MCF2: variants seen among roughly 807,000 people sequenced by gnomAD.
MCF2 encodes the protein MCF.2 cell line derived transforming sequence.
A neutral mutation model predicts 82.5 loss-of-function variants in MCF2; 44 were observed. The observed-to-expected ratio is 0.53, with a 90% confidence interval of 0.42 to 0.69. MCF2 has a LOEUF of 0.69. Ranked by LOEUF, MCF2 falls within the 30% of genes least tolerant of loss-of-function variation. MCF2 has a pLI of 0.00. For synonymous variants in MCF2, 217 were observed against 224.9 expected, an observed-to-expected ratio of 0.96 and a Z score of 0.32; for missense variants, 623 against 663.1, an observed-to-expected ratio of 0.94 and a Z score of 0.66.
At chrX:139,661,282 G>A (rs963757047) in intron 1 of MCF2, among the ~76,000 whole-genome samples, 7 of 111,788 alleles carry the variant, frequency 6.3e-5, no homozygotes, top group Admixed American at 9.5e-5. Context: ...AGCAAGACCA[G>A]AAGCAGAAAG....
exon 1 of MCF2, chrX:139,642,577 A>G: frequency 8.3e-7 from 1 of 1,210,385 alleles, no homozygotes; most frequent in South Asian, 1.8e-5. Flanking sequence ...TTGATGAAAT[A>G]CGAGCTGCTT....
chrX:139,649,974 T>C (rs1385052116), intron 2 of MCF2, among the ~76,000 whole-genome samples: 1 of 112,367 alleles, frequency 8.9e-6, no homozygotes. Context: ...AAAGCCATAT[T>C]AATTAAGTCA....
At chrX:139,607,553 G>C (rs911601633) in intron 12 of MCF2, 138 bp downstream of exon 16, 6 of 360,161 alleles carry the variant, frequency 1.7e-5, no homozygotes, top group Admixed American at 5.6e-5. Flanking sequence ...GGTTGGCCAG[G>C]CCTAAATCCT....
chrX:139,603,391 G>A (rs1248485760), intron 15 of MCF2, among the ~76,000 whole-genome samples: 1 of 112,509 alleles, frequency 8.9e-6, no homozygotes, highest in African/African-American at 3.2e-5. Context: ...GAAAATTCAC[G>A]TATATATGTA....
upstream of MCF2, among the ~76,000 whole-genome samples, chrX:139,645,063 C>G (rs1036609408): frequency 1.1e-4 from 12 of 110,517 alleles, no homozygotes; most frequent in Non-Finnish European, 1.7e-4. Context: ...GGACTAGATA[C>G]CAGTAGGGAA....
At chrX:139,590,054 A>G (rs1002659106) in intron 19 of MCF2, 127 bp from the exon 24 acceptor site, 25 of 425,548 alleles carry the variant, frequency 5.9e-5, no homozygotes, top group Non-Finnish European at 9.3e-5. Context: ...GTTATATTAA[A>G]TGAATATGAA....
At chrX:139,601,212 G>A (rs1169689657) in intron 16 of MCF2, among the ~76,000 whole-genome samples, 1 of 111,543 alleles carries the variant, frequency 9.0e-6, no homozygotes, top group African/African-American at 3.3e-5. Flanking sequence ...AGACAATTGG[G>A]TGGAGGAAAT....
At chrX:139,684,553 A>T (rs188142537) in intron 1 of MCF2, among the ~76,000 whole-genome samples, 2 of 112,573 alleles carry the variant, frequency 1.8e-5, no homozygotes, top group East Asian at 5.6e-4. Context: ...ATTATTCATA[A>T]TAACCAAAAG....
intron 1 of MCF2, among the ~76,000 whole-genome samples, chrX:139,693,966 T>G (rs1414068350): frequency 8.9e-6 from 1 of 112,336 alleles, no homozygotes; most frequent in African/African-American, 3.2e-5. Flanking sequence ...TTTGATCCCT[T>G]ATTTTAAACA....
At chrX:139,663,576 G>GTTT (rs57739559) in intron 1 of MCF2, among the ~76,000 whole-genome samples, 34 of 86,382 alleles carry the variant, frequency 3.9e-4, no homozygotes, top group African/African-American at 1.3e-3. Flanking sequence ...AGTTTGCTTT[G>GTTT]TTTTTTTTTT....
chrX:139,697,858 G>A (rs1014130427), intron 1 of MCF2, among the ~76,000 whole-genome samples: 2 of 112,380 alleles, frequency 1.8e-5, no homozygotes, highest in African/African-American at 6.5e-5. Flanking sequence ...ACTTGCTTTG[G>A]GTCAGACGCG....
intron 1 of MCF2, among the ~76,000 whole-genome samples, chrX:139,687,985 G>A (rs998190598): frequency 1.2e-4 from 13 of 111,664 alleles, no homozygotes; most frequent in East Asian, 1.1e-3. Flanking sequence ...TCCCTAGTTC[G>A]TAACACTCAG....
chrX:139,637,678 G>C (rs938136518), intron 1 of MCF2, among the ~76,000 whole-genome samples: 14 of 111,710 alleles, frequency 1.3e-4, no homozygotes, highest in African/African-American at 4.6e-4. Context: ...TTTACATGCA[G>C]TAGGTTCTAT....
At chrX:139,701,896 C>G (rs1173969321) in intron 1 of MCF2, among the ~76,000 whole-genome samples, 1 of 112,314 alleles carries the variant, frequency 8.9e-6, no homozygotes, top group East Asian at 2.8e-4. Flanking sequence ...TGAAAATGAT[C>G]TGGGCCCTGC....
intron 1 of MCF2, among the ~76,000 whole-genome samples, chrX:139,695,613 T>C (rs993326971): frequency 8.9e-6 from 1 of 111,968 alleles, no homozygotes; most frequent in Non-Finnish European, 1.9e-5. Flanking sequence ...TCCTTCTGTG[T>C]CATCCATAAA....
At chrX:139,589,892 A>G (rs1171132866) in exon 20 of MCF2, 3 of 1,191,474 alleles carry the variant, frequency 2.5e-6, no homozygotes, top group Non-Finnish European at 2.3e-6. Context: ...TGCGGTTATC[A>G]CCTTTTACAT....
chrX:139,647,207 C>G, upstream of MCF2, among the ~76,000 whole-genome samples: 1 of 111,632 alleles, frequency 9.0e-6, no homozygotes, highest in Non-Finnish European at 1.9e-5. Context: ...TCTGGACAAC[C>G]AAGGGGTTGG....
chrX:139,604,736 CT>C lies in MCF2; in HGVS notation c.1687del (p.Ser563AlafsTer56). ...TGGAGCATGAGCACAATTTTCCAGG[CT>C]GCTCAAGAAAATGCTGTGAAAATTT... On this transcript the variant is annotated frameshift_variant, in exon 15 of 25. Coordinates refer to ENST00000370576, the Ensembl canonical transcript of MCF2. LOFTEE classifies it high-confidence loss of function. 1 of 1,196,134 alleles carries C rather than the reference CT, an allele frequency of 8.4e-7. No individual in the cohort carries two copies. Among genetic ancestry groups the C allele is most frequent in the Non-Finnish European group, 1.1e-6 (1 of 887,127 alleles).
At chrX:139,588,720 G>A (rs1325086260) in intron 20 of MCF2, among the ~76,000 whole-genome samples, 1 of 109,267 alleles carries the variant, frequency 9.2e-6, no homozygotes, top group African/African-American at 3.3e-5. Flanking sequence ...AGACCAGCCT[G>A]GGGAACATAG....
Sources: allele counts gnomAD v4.1 joint callset (sites outside exome capture counted in the v4.1 genomes callset), GRCh38; gene constraint gnomAD v4.1.1; transcripts MANE v1.5; gene names NCBI Gene and HGNC (gene_info 2026-07-23, HGNC 2026-07-21).